Variants in CTNNA3 observed in about 807,000 individuals in gnomAD.
CTNNA3 encodes the protein catenin alpha-3.
CTNNA3 carries 76 observed loss-of-function variants against 95.7 expected under a neutral mutation model. The observed-to-expected ratio is 0.79, with a 90% CI of 0.66 to 0.96. The LOEUF (loss-of-function observed/expected upper bound fraction) is 0.96, where lower values mean the gene tolerates loss of function less well. Ranked by LOEUF, CTNNA3 falls within the 40% of genes least tolerant of loss-of-function variation. CTNNA3 has a pLI of 0.00. For missense variants in CTNNA3, 1,191 were observed against 1,089.8 expected (o/e 1.09, Z -1.31); for synonymous variants, 431 against 374.4 (o/e 1.15, Z -1.74).
At chr10:67,723,367 C>CT (rs1256820193) in intron 1 of CTNNA3, among the ~76,000 whole-genome samples, 3 of 151,538 alleles carry the variant, frequency 2.0e-5, no homozygotes, top group Admixed American at 1.3e-4. Flanking sequence ...TCGTGGCTCA[C>CT]TGCAGGCTGG....
intron 12 of CTNNA3, among the ~76,000 whole-genome samples, chr10:66,375,296 T>A (rs1045373028): frequency 3.4e-5 from 5 of 149,104 alleles, no homozygotes; most frequent in Admixed American, 1.3e-4. Context: ...TTCAAGAAGG[T>A]AAACTGAGTG....
At chr10:66,255,898 G>C (rs569027336) in intron 13 of CTNNA3, among the ~76,000 whole-genome samples, 2 of 152,110 alleles carry the variant, frequency 1.3e-5, no homozygotes, top group East Asian at 3.9e-4. Flanking sequence ...TTGTTTTAAC[G>C]TGGCAAGATA....
At chr10:67,125,248 G>GA (rs1859665023) in intron 7 of CTNNA3, among the ~76,000 whole-genome samples, 1 of 152,088 alleles carries the variant, frequency 6.6e-6, no homozygotes, top group Admixed American at 6.6e-5. Context: ...CAAAGCTCAG[G>GA]AACTTGGCAT....
chr10:66,720,201 G>C (rs895314948), intron 9 of CTNNA3, among the ~76,000 whole-genome samples: 1 of 147,480 alleles, frequency 6.8e-6, no homozygotes, highest in Non-Finnish European at 1.5e-5. Context: ...AAAAATGAAA[G>C]AGAGAAGAAG....
chr10:65,948,942 C>T (rs1204502006), intron 17 of CTNNA3, among the ~76,000 whole-genome samples: 3 of 152,074 alleles, frequency 2.0e-5, no homozygotes, highest in Non-Finnish European at 4.4e-5. Flanking sequence ...ACTAATTAAT[C>T]CCAAAAGTCT....
intron 7 of CTNNA3, among the ~76,000 whole-genome samples, chr10:67,122,180 T>C (rs1341770007): frequency 6.6e-6 from 1 of 151,980 alleles, no homozygotes; most frequent in East Asian, 1.9e-4. Context: ...AAGCAGACTC[T>C]ACATATGAAA....
intron 1 of CTNNA3, among the ~76,000 whole-genome samples, chr10:67,680,290 C>A (rs1367674440): frequency 6.6e-6 from 1 of 152,154 alleles, no homozygotes; most frequent in African/African-American, 2.4e-5. Context: ...GGGAGAAGTA[C>A]AAAAGCATTT....
chr10:67,176,551 C>G (rs896558515), intron 7 of CTNNA3, among the ~76,000 whole-genome samples: 1 of 152,126 alleles, frequency 6.6e-6, no homozygotes, highest in Non-Finnish European at 1.5e-5. Flanking sequence ...CTAGGGAAGA[C>G]TAGTATTGAT....
chr10:65,983,183 G>A (rs948895745), intron 16 of CTNNA3, among the ~76,000 whole-genome samples: 5 of 151,538 alleles, frequency 3.3e-5, no homozygotes, highest in Admixed American at 3.3e-4. Context: ...CAATTAGGTG[G>A]GAATGTCCAG....
intron 10 of CTNNA3, among the ~76,000 whole-genome samples, chr10:66,619,462 C>CA (rs34689556): frequency 2.7e-5 from 3 of 111,862 alleles, no homozygotes; most frequent in African/African-American, 5.9e-5. Flanking sequence ...GTCGCAAGGA[C>CA]AAAAAAAACA....
At chr10:67,105,147 T>A (rs1858558032) in intron 7 of CTNNA3, among the ~76,000 whole-genome samples, 1 of 151,992 alleles carries the variant, frequency 6.6e-6, no homozygotes, top group Non-Finnish European at 1.5e-5. Context: ...ACAATAACAT[T>A]TATGCCATCA....
At chr10:67,417,293 A>T (rs12254279) in intron 5 of CTNNA3, among the ~76,000 whole-genome samples, 17,020 of 152,058 alleles carry the variant, frequency 0.11, 1,839 homozygotes, top group African/African-American at 0.29. Flanking sequence ...TGTGGACTCC[A>T]AGAGGGTGGA....
chr10:66,690,300 T>C (rs891606268), intron 9 of CTNNA3, among the ~76,000 whole-genome samples: 4 of 152,184 alleles, frequency 2.6e-5, no homozygotes, highest in Non-Finnish European at 5.9e-5. Flanking sequence ...ATTATTTTTA[T>C]ATGTCACGTC....
At chr10:66,239,440 G>T (rs151320710) in intron 13 of CTNNA3, among the ~76,000 whole-genome samples, 121 of 151,942 alleles carry the variant, frequency 8.0e-4, no homozygotes, top group African/African-American at 2.9e-3. Context: ...GTTCACTTTT[G>T]CAATGGACTA....
chr10:65,966,222 T>G (rs1589188652), intron 17 of CTNNA3, among the ~76,000 whole-genome samples: 1 of 152,160 alleles, frequency 6.6e-6, no homozygotes, highest in Non-Finnish European at 1.5e-5. Flanking sequence ...TGAATATCAA[T>G]TAATAGCAGC....
chr10:66,272,334 T>A (rs1028785052), intron 13 of CTNNA3, among the ~76,000 whole-genome samples: 1 of 152,100 alleles, frequency 6.6e-6, no homozygotes, highest in African/African-American at 2.4e-5. Context: ...TGCCTAACAC[T>A]GAAAAATGAA....
intron 1 of CTNNA3, among the ~76,000 whole-genome samples, chr10:67,727,075 T>C (rs1219845424): frequency 8.6e-6 from 1 of 116,030 alleles, no homozygotes; most frequent in Non-Finnish European, 1.6e-5. Flanking sequence ...TAATATATGA[T>C]ACATATATGA....
intron 9 of CTNNA3, among the ~76,000 whole-genome samples, chr10:66,714,967 G>A (rs1848407345): frequency 6.6e-6 from 1 of 152,006 alleles, no homozygotes; most frequent in East Asian, 1.9e-4. Flanking sequence ...TTCCCACCCA[G>A]TGTTTTAGTC....
intron 13 of CTNNA3, among the ~76,000 whole-genome samples, chr10:66,204,608 A>T (rs913653007): frequency 2.0e-5 from 3 of 152,190 alleles, no homozygotes; most frequent in Admixed American, 2.0e-4. Context: ...TGGCACCTAT[A>T]AATGACGAGT....
Sources: allele counts gnomAD v4.1 joint callset (sites outside exome capture counted in the v4.1 genomes callset), GRCh38; gene constraint gnomAD v4.1.1; transcripts MANE v1.5; gene names NCBI Gene and HGNC (gene_info 2026-07-23, HGNC 2026-07-21).